The following COL25A1 variants were observed in gnomAD, a reference collection of about 807,000 sequenced individuals.
The protein encoded by COL25A1 is collagen alpha-1(XXV) chain.
COL25A1 carries 103 observed loss-of-function variants against 128.4 expected under a neutral mutation model. That is an observed-to-expected ratio of 0.80 (90% CI 0.68 to 0.94). COL25A1 has a LOEUF of 0.94. COL25A1 is among the 40% of genes least tolerant of loss of function. The probability of loss-of-function intolerance (pLI) is 0.00; values close to 1 mark genes in which losing one functional copy is unlikely to be tolerated. For missense variants in COL25A1, 745 were observed against 840.0 expected, an observed-to-expected ratio of 0.89 and a Z score of 1.40; for synonymous variants, 279 against 277.2, an observed-to-expected ratio of 1.01 and a Z score of -0.06.
intron 3 of COL25A1, among the ~76,000 whole-genome samples, chr4:109,164,473 TTGGTTGGTTGAC>T (rs1772880636): frequency 6.6e-6 from 1 of 152,200 alleles, no homozygotes; most frequent in Non-Finnish European, 1.5e-5. Flanking sequence ...TGTTTGTTTG[TTGGTTGGTTGAC>T]TGGTTGGTTG....
At chr4:109,226,819 T>C (rs1315995435) in intron 3 of COL25A1, among the ~76,000 whole-genome samples, 4 of 152,028 alleles carry the variant, frequency 2.6e-5, no homozygotes, top group Non-Finnish European at 5.9e-5. Flanking sequence ...TACTACAAAA[T>C]AGGCAATAAT....
At chr4:108,827,091 T>A (rs767354788) in intron 33 of COL25A1, 44 bp downstream of exon 33, 27 of 1,572,202 alleles carry the variant, frequency 1.7e-5, no homozygotes, top group Middle Eastern at 1.7e-4. Flanking sequence ...ACTGGTCATC[T>A]ATGCATGCGG....
intron 5 of COL25A1, among the ~76,000 whole-genome samples, chr4:109,018,766 T>C (rs1757438339): frequency 6.6e-6 from 1 of 152,104 alleles, no homozygotes; most frequent in Admixed American, 6.5e-5. Flanking sequence ...CCAAAGAGGG[T>C]AGACAATAAT....
intron 6 of COL25A1, among the ~76,000 whole-genome samples, chr4:108,993,731 G>T (rs893151523): frequency 1.3e-5 from 2 of 151,950 alleles, no homozygotes; most frequent in African/African-American, 2.4e-5. Context: ...GTGGTGGTAG[G>T]TTCCTGTAAT....
chr4:108,982,635 C>T (rs1267927695), intron 6 of COL25A1, among the ~76,000 whole-genome samples: 2 of 152,154 alleles, frequency 1.3e-5, no homozygotes, highest in Non-Finnish European at 1.5e-5. Context: ...GGAATTATAG[C>T]TATAAACAGA....
chr4:109,094,768 T>C (rs1765248025), intron 3 of COL25A1, among the ~76,000 whole-genome samples: 1 of 152,230 alleles, frequency 6.6e-6, no homozygotes, highest in Admixed American at 6.5e-5. Flanking sequence ...CTGTTGATGA[T>C]TAGTTTGCAA....
chr4:108,861,873 G>A (rs1287009837), intron 22 of COL25A1, among the ~76,000 whole-genome samples: 1 of 152,020 alleles, frequency 6.6e-6, no homozygotes, highest in Non-Finnish European at 1.5e-5. Context: ...GCAGGAAAAA[G>A]GATTATAATT....
At chr4:109,136,691 T>C (rs535659685) in intron 3 of COL25A1, among the ~76,000 whole-genome samples, 1 of 152,150 alleles carries the variant, frequency 6.6e-6, no homozygotes, top group East Asian at 1.9e-4. Context: ...GTAGTTAGGG[T>C]GTAGATAATG....
intron 3 of COL25A1, among the ~76,000 whole-genome samples, chr4:109,074,006 T>C (rs538941246): frequency 1.2e-4 from 18 of 152,286 alleles, no homozygotes; most frequent in Admixed American, 1.1e-3. Flanking sequence ...CAGGGACCAG[T>C]TTCGTGGAAG....
In COL25A1 at chr4:109,110,640, C is replaced by T. The variant is rs1048332618; in HGVS notation, c.368-60461G>A. Among the ~76,000 whole-genome samples the T allele has an allele frequency of 5.3e-5, 8 of 152,096 alleles. No homozygotes were observed. The South Asian group carries it at 1.7e-3, about 32-fold the overall frequency. Reference sequence around the variant, plus strand: ...GAAATGTTCACATTGTTCCTCGTCTCCTCCCCATTTTTCCTGCTCCAACTT... The same window carrying T: ...GAAATGTTCACATTGTTCCTCGTCTTCTCCCCATTTTTCCTGCTCCAACTT... On this transcript the variant is annotated intron_variant, in intron 3 of 37. Transcript: ENST00000399132.
chr4:109,114,289 A>G (rs991290200), intron 3 of COL25A1, among the ~76,000 whole-genome samples: 1 of 152,098 alleles, frequency 6.6e-6, no homozygotes, highest in Non-Finnish European at 1.5e-5. Flanking sequence ...ACATAGTTCA[A>G]TATTGGCATA....
chr4:108,945,416 T>C (rs905844211), intron 8 of COL25A1, among the ~76,000 whole-genome samples: 1 of 152,230 alleles, frequency 6.6e-6, no homozygotes, highest in Non-Finnish European at 1.5e-5. Context: ...TGTGTGGCCA[T>C]ACCTGCTAGG....
chr4:109,099,295 A>G (rs1248926995), intron 3 of COL25A1, among the ~76,000 whole-genome samples: 3 of 152,200 alleles, frequency 2.0e-5, no homozygotes, highest in Non-Finnish European at 4.4e-5. Context: ...CACCAACATA[A>G]AAGTTTTGTT....
At chr4:109,100,327 T>A (rs78143042) in intron 3 of COL25A1, among the ~76,000 whole-genome samples, 12,891 of 151,376 alleles carry the variant, frequency 0.085, 616 homozygotes, top group South Asian at 0.1. Context: ...CAATTAGATA[T>A]GAAAAACATT....
At chr4:108,989,340 C>T (rs1005370692) in intron 6 of COL25A1, among the ~76,000 whole-genome samples, 5 of 152,164 alleles carry the variant, frequency 3.3e-5, no homozygotes, top group Admixed American at 3.3e-4. Context: ...ATGTTTCCTT[C>T]ACAAATGAAA....
At chr4:108,852,946 C>G in intron 24 of COL25A1, 21 bp from the exon 25 acceptor site, 1 of 1,604,978 alleles carries the variant, frequency 6.2e-7, no homozygotes, top group Non-Finnish European at 8.5e-7. Context: ...AATGTGTTGA[C>G]AAAGACAGAG....
At chr4:109,250,247 T>C (rs1028921114) in intron 3 of COL25A1, among the ~76,000 whole-genome samples, 12 of 151,972 alleles carry the variant, frequency 7.9e-5, no homozygotes, top group Admixed American at 6.6e-4. Context: ...CCAAGATATA[T>C]TATAGAGAAT....
chr4:109,227,050 C>T (rs539227401), intron 3 of COL25A1, among the ~76,000 whole-genome samples: 4 of 152,252 alleles, frequency 2.6e-5, no homozygotes, highest in South Asian at 4.1e-4. Flanking sequence ...AGTCTTTTAA[C>T]AAGATTGATC....
chr4:108,845,251 CCT>C lies in COL25A1; in HGVS notation c.1516-2_1516-1del. ...TTTTCTCCTTTCATTCCATTGGCTC[CCT>C]ATAAATAACCATTAAGCAGAGTTAA... On this transcript the variant is annotated splice_acceptor_variant, in intron 28 of 37. Transcript: ENST00000399132. LOFTEE classifies it high-confidence loss of function. 2 of 1,612,902 alleles carry C rather than the reference CCT, an allele frequency of 1.2e-6. No homozygotes were observed. The highest frequency in any genetic ancestry group is 4.5e-5 in the East Asian group (2 of 44,878).
Sources: gnomAD v4.1 joint callset for allele counts (sites outside exome capture counted in the v4.1 genomes callset) on GRCh38, gnomAD v4.1.1 for gene constraint, MANE v1.5 for transcripts, NCBI Gene and HGNC (gene_info 2026-07-23, HGNC 2026-07-21) for gene names.